RNF180: variants seen among roughly 807,000 people sequenced by gnomAD.
RNF180 encodes the protein E3 ubiquitin-protein ligase RNF180.
A neutral mutation model predicts 59.2 loss-of-function variants in RNF180; 38 were observed. The ratio of observed to expected loss-of-function variants is 0.64; its 90% CI spans 0.50 to 0.84. The LOEUF is 0.84. Ranked by LOEUF, RNF180 falls within the 40% of genes least tolerant of loss-of-function variation. RNF180 has a pLI of 0.00. For missense variants in RNF180, 705 were observed against 700.9 expected (o/e 1.01, Z -0.07); for synonymous variants, 262 against 240.3 (o/e 1.09, Z -0.84).
chr5:64,311,130 A>G (rs992451458), intron 5 of RNF180, among the ~76,000 whole-genome samples: 1 of 151,872 alleles, frequency 6.6e-6, no homozygotes, highest in Non-Finnish European at 1.5e-5. Context: ...AGGGAGGACC[A>G]CTTAATGCCA....
chr5:64,336,196 A>C (rs1311967885), intron 7 of RNF180, among the ~76,000 whole-genome samples: 1 of 152,048 alleles, frequency 6.6e-6, no homozygotes, highest in Non-Finnish European at 1.5e-5. Context: ...AATGTGTGTC[A>C]TTTTGTGTTC....
At chr5:64,195,914 CAT>C (rs1751432650) in intron 1 of RNF180, among the ~76,000 whole-genome samples, 1 of 152,148 alleles carries the variant, frequency 6.6e-6, no homozygotes, top group South Asian at 2.1e-4. Context: ...ATTAATCTAA[CAT>C]GTATATCTTT....
intron 5 of RNF180, among the ~76,000 whole-genome samples, chr5:64,279,788 C>T (rs959714496): frequency 1.3e-5 from 2 of 151,994 alleles, no homozygotes; most frequent in African/African-American, 4.8e-5. Flanking sequence ...ACCAATATGT[C>T]CTCAAAAATA....
intron 7 of RNF180, among the ~76,000 whole-genome samples, chr5:64,331,107 C>T (rs1480048016): frequency 6.6e-6 from 1 of 152,250 alleles, no homozygotes; most frequent in African/African-American, 2.4e-5. Flanking sequence ...ATGCCAGCCC[C>T]CTGCTGCCTA....
chr5:64,239,076 TTTC>T (rs1399238092), intron 5 of RNF180, among the ~76,000 whole-genome samples: 7 of 152,200 alleles, frequency 4.6e-5, no homozygotes, highest in African/African-American at 1.7e-4. Context: ...AAATTTATCA[TTTC>T]TTCTTCTAGT....
intron 5 of RNF180, among the ~76,000 whole-genome samples, chr5:64,256,495 A>T (rs1406565807): frequency 6.6e-6 from 1 of 152,164 alleles, no homozygotes; most frequent in African/African-American, 2.4e-5. Context: ...CAGGTTTGTC[A>T]AAGATCAGAT....
At chr5:64,192,940 A>ATAT (rs1561179048) in intron 1 of RNF180, among the ~76,000 whole-genome samples, 16 of 70,030 alleles carry the variant, frequency 2.3e-4, no homozygotes, top group East Asian at 1.2e-3. Flanking sequence ...TATATATATA[A>ATAT]AATGAAACAT....
At chr5:64,368,974 A>G (rs1223861345) in intron 7 of RNF180, among the ~76,000 whole-genome samples, 10 of 151,972 alleles carry the variant, frequency 6.6e-5, no homozygotes, top group African/African-American at 2.2e-4. Context: ...ATACCCAAAG[A>G]ACTATAAATC....
intron 5 of RNF180, among the ~76,000 whole-genome samples, chr5:64,280,710 T>A (rs1487266434): frequency 1.3e-5 from 2 of 152,162 alleles, no homozygotes; most frequent in African/African-American, 2.4e-5. Context: ...TACTGTAGCC[T>A]TGTAGTATAG....
chr5:64,197,524 A>AG (rs1366452288), intron 1 of RNF180, among the ~76,000 whole-genome samples: 2 of 152,352 alleles, frequency 1.3e-5, no homozygotes, highest in African/African-American at 4.8e-5. Flanking sequence ...AATCTATACT[A>AG]GGAGTCCTTT....
At chr5:64,255,716 G>A (rs1403348844) in intron 5 of RNF180, among the ~76,000 whole-genome samples, 2 of 152,234 alleles carry the variant, frequency 1.3e-5, no homozygotes, top group Non-Finnish European at 2.9e-5. Context: ...TATATACCCA[G>A]TAATGGGATG....
At chr5:64,201,323 G>GT (rs1042786091) in intron 2 of RNF180, among the ~76,000 whole-genome samples, 10 of 151,848 alleles carry the variant, frequency 6.6e-5, no homozygotes, top group Admixed American at 3.3e-4. Context: ...TGTTATATAG[G>GT]TTTTTTTTGT....
At chr5:64,235,492 C>T (rs1302217501) in intron 5 of RNF180, among the ~76,000 whole-genome samples, 2 of 151,656 alleles carry the variant, frequency 1.3e-5, no homozygotes, top group Admixed American at 6.6e-5. Flanking sequence ...TATACATTTG[C>T]CAAGGTAGCC....
chr5:64,281,298 C>G (rs989918485), intron 5 of RNF180, among the ~76,000 whole-genome samples: 1 of 152,202 alleles, frequency 6.6e-6, no homozygotes, highest in African/African-American at 2.4e-5. Flanking sequence ...TTGTTTCTTT[C>G]TCTTGCCTGA....
Position 64,194,578 on chromosome 5 carries a change from A to G in RNF180, c.1-6230A>G, listed in dbSNP as rs185022222. ...AGTTCCAGATCCCTGAGGACTCGCCATACTGACTTCCACAATGGTTGAACT... is the reference window on the plus strand; with the variant it reads ...AGTTCCAGATCCCTGAGGACTCGCCGTACTGACTTCCACAATGGTTGAACT... On this transcript the variant is annotated intron_variant, in intron 1 of 7. Transcript: ENST00000389100. Among the ~76,000 whole-genome samples the G allele has an allele frequency of 1.6e-4, 24 of 152,352 alleles. No individual in the cohort carries two copies. In the East Asian group the frequency reaches 3.9e-3, roughly 25 times the overall value.
intron 5 of RNF180, among the ~76,000 whole-genome samples, chr5:64,243,636 T>C (rs1285376805): frequency 6.6e-6 from 1 of 152,162 alleles, no homozygotes; most frequent in Non-Finnish European, 1.5e-5. Flanking sequence ...ACAGAGCAGC[T>C]GGGGGAAGGG....
intron 5 of RNF180, among the ~76,000 whole-genome samples, chr5:64,297,080 G>A (rs59603508): frequency 2.6e-5 from 4 of 151,868 alleles, no homozygotes; most frequent in Non-Finnish European, 5.9e-5. Context: ...AATTCCAGTC[G>A]ATAACTACTA....
intron 2 of RNF180, among the ~76,000 whole-genome samples, chr5:64,204,581 T>G (rs1332422889): frequency 2.6e-5 from 4 of 152,198 alleles, no homozygotes; most frequent in African/African-American, 7.2e-5. Flanking sequence ...ATACCAACCT[T>G]TTTTTGGTTA....
chr5:64,200,702 G>A (rs1367355342), intron 1 of RNF180, 106 bp from the exon 2 acceptor site: 2 of 909,390 alleles, frequency 2.2e-6, no homozygotes, highest in African/African-American at 1.7e-5. Context: ...ATAAATGATA[G>A]TTCCCTGCTT....
Sources: gnomAD v4.1 joint callset for allele counts (sites outside exome capture counted in the v4.1 genomes callset) on GRCh38, gnomAD v4.1.1 for gene constraint, MANE v1.5 for transcripts, NCBI Gene and HGNC (gene_info 2026-07-23, HGNC 2026-07-21) for gene names.